MEIS2: variants seen among roughly 807,000 people sequenced by gnomAD.
MEIS2 encodes the protein homeobox protein Meis2.
Under a neutral mutation model 58.6 loss-of-function variants are expected in MEIS2, and 9 were observed. The observed-to-expected ratio is 0.15, with a 90% confidence interval of 0.09 to 0.27. The LOEUF (loss-of-function observed/expected upper bound fraction) is 0.27. Ranked by LOEUF, MEIS2 falls within the 10% of genes least tolerant of loss-of-function variation. The pLI, the probability that MEIS2 is intolerant of heterozygous loss-of-function variation, is 1.00. For synonymous variants in MEIS2, 221 were observed against 228.4 expected (o/e 0.97, Z 0.29); for missense variants, 427 against 635.0 (o/e 0.67, Z 3.52).
At chr15:36,933,085 G>T (rs1427880014) in intron 9 of MEIS2, among the ~76,000 whole-genome samples, 1 of 152,098 alleles carries the variant, frequency 6.6e-6, no homozygotes, top group Non-Finnish European at 1.5e-5. Flanking sequence ...AGACTTTAGG[G>T]TCTGATCTGA....
chr15:37,037,066 C>T (rs1022186281), intron 7 of MEIS2, 107 bp from the exon 8 acceptor site: 38 of 1,059,984 alleles, frequency 3.6e-5, no homozygotes, highest in African/African-American at 2.3e-4. Flanking sequence ...ATCCATTAAG[C>T]GAGTATATTC....
chr15:36,924,875 T>C lies in MEIS2; in HGVS notation c.977+25449A>G, dbSNP rs147853358. On this transcript the variant is annotated intron_variant, in intron 9 of 11. Coordinates refer to ENST00000561208, the MANE Select transcript of MEIS2 (RefSeq NM_170675.5). ...TCTCTTGCAAACGGAGATACAGTTATGGATTGATCATCACCTTCCTTAATT... is the reference window on the plus strand; with the variant it reads ...TCTCTTGCAAACGGAGATACAGTTACGGATTGATCATCACCTTCCTTAATT... 2.4e-3 allele frequency among the ~76,000 whole-genome samples: 358 copies of C among 152,336 alleles called. 3 individuals carry two copies. The highest frequency in any genetic ancestry group is 8.3e-3 in the African/African-American group (344 of 41,572).
At chr15:36,906,025 G>A (rs374909197) in intron 9 of MEIS2, among the ~76,000 whole-genome samples, 2 of 152,130 alleles carry the variant, frequency 1.3e-5, no homozygotes, top group Admixed American at 6.5e-5. Context: ...TTAAAAGAAC[G>A]TGGAATGTTG....
intron 6 of MEIS2, among the ~76,000 whole-genome samples, chr15:37,091,756 A>G (rs181434923): frequency 2.6e-5 from 4 of 152,298 alleles, no homozygotes; most frequent in African/African-American, 9.6e-5. Flanking sequence ...GTATACATCC[A>G]CTGGAAAAAG....
intron 8 of MEIS2, among the ~76,000 whole-genome samples, chr15:37,029,950 G>C (rs1469299373): frequency 6.6e-6 from 1 of 152,110 alleles, no homozygotes; most frequent in Non-Finnish European, 1.5e-5. Flanking sequence ...GATCAGTTGA[G>C]GCCACGAGTT....
At chr15:37,053,177 G>T (rs909999693) in intron 7 of MEIS2, among the ~76,000 whole-genome samples, 1 of 152,164 alleles carries the variant, frequency 6.6e-6, no homozygotes, top group Non-Finnish European at 1.5e-5. Context: ...TAACATCTTT[G>T]CTGTAAGATC....
At chr15:37,026,821 T>G (rs2061724021) in intron 8 of MEIS2, among the ~76,000 whole-genome samples, 1 of 152,314 alleles carries the variant, frequency 6.6e-6, no homozygotes, top group East Asian at 1.9e-4. Context: ...TGTTATCTAT[T>G]ATAACCAAGA....
intron 8 of MEIS2, among the ~76,000 whole-genome samples, chr15:36,994,549 C>T (rs2060409028): frequency 1.3e-5 from 2 of 152,028 alleles, no homozygotes; most frequent in Non-Finnish European, 2.9e-5. Context: ...GTTTTTTACT[C>T]CAATTTAAAC....
chr15:37,061,272 G>A (rs1025112482), intron 7 of MEIS2, among the ~76,000 whole-genome samples: 1 of 152,164 alleles, frequency 6.6e-6, no homozygotes, highest in African/African-American at 2.4e-5. Context: ...TAAAGGGATT[G>A]GGATGCCTTC....
intron 8 of MEIS2, among the ~76,000 whole-genome samples, chr15:36,968,032 T>C (rs1330346499): frequency 1.3e-5 from 2 of 152,236 alleles, no homozygotes. Flanking sequence ...AAACTTTACA[T>C]GCTGAGCTTG....
At chr15:36,930,296 T>C (rs1421796824) in intron 9 of MEIS2, among the ~76,000 whole-genome samples, 1 of 147,952 alleles carries the variant, frequency 6.8e-6, no homozygotes, top group Non-Finnish European at 1.5e-5. Flanking sequence ...GCACAAGGAA[T>C]GGTTATATAA....
At chr15:36,971,189 G>A (rs1010337677) in intron 8 of MEIS2, among the ~76,000 whole-genome samples, 13 of 151,922 alleles carry the variant, frequency 8.6e-5, no homozygotes, top group African/African-American at 3.1e-4. Flanking sequence ...AACCTGTTTG[G>A]CCATATTTCA....
At chr15:37,065,186 A>G (rs1889751207) in intron 7 of MEIS2, among the ~76,000 whole-genome samples, 1 of 152,164 alleles carries the variant, frequency 6.6e-6, no homozygotes, top group Non-Finnish European at 1.5e-5. Context: ...GTGGCAGTTT[A>G]AGCACTTTAT....
intron 9 of MEIS2, among the ~76,000 whole-genome samples, chr15:36,925,205 A>G (rs2057696512): frequency 6.6e-6 from 1 of 152,226 alleles, no homozygotes; most frequent in Non-Finnish European, 1.5e-5. Flanking sequence ...AAAAAGAGAA[A>G]GTCCTATCAA....
At chr15:37,032,615 A>G (rs2061975462) in intron 8 of MEIS2, among the ~76,000 whole-genome samples, 1 of 152,144 alleles carries the variant, frequency 6.6e-6, no homozygotes, top group African/African-American at 2.4e-5. Flanking sequence ...TCTTTCTTCA[A>G]TCATCACTGG....
intron 8 of MEIS2, among the ~76,000 whole-genome samples, chr15:36,993,064 TC>T (rs970358589): frequency 2.0e-5 from 3 of 152,160 alleles, no homozygotes; most frequent in African/African-American, 7.2e-5. Context: ...TGTTACACAG[TC>T]ATTTTATCTT....
intron 7 of MEIS2, among the ~76,000 whole-genome samples, chr15:37,062,077 C>T (rs1260385366): frequency 6.6e-6 from 1 of 152,162 alleles, no homozygotes; most frequent in African/African-American, 2.4e-5. Flanking sequence ...TTCACGCTGC[C>T]TGAGGAGCAA....
chr15:37,058,742 G>C (rs115607027), intron 7 of MEIS2, among the ~76,000 whole-genome samples: 2,445 of 152,190 alleles, frequency 0.016, 72 homozygotes, highest in African/African-American at 0.054. Context: ...ATCAGCAAAG[G>C]CTCCACAGAT....
At chr15:37,098,976 G>C (rs1262235736) in intron 1 of MEIS2, 1 of 984,896 alleles carries the variant, frequency 1.0e-6, no homozygotes, top group Admixed American at 6.2e-5. Context: ...CAGGCTAGTA[G>C]TCTAGGCGGC....
Sources: gnomAD v4.1 joint callset for allele counts (sites outside exome capture counted in the v4.1 genomes callset) on GRCh38, gnomAD v4.1.1 for gene constraint, MANE v1.5 for transcripts, NCBI Gene and HGNC (gene_info 2026-07-23, HGNC 2026-07-21) for gene names.